Variants in ITK observed in about 807,000 individuals in gnomAD.
The protein encoded by ITK is IL2 inducible T cell kinase.
Under a neutral mutation model 87.6 loss-of-function variants are expected in ITK, and 45 were observed. That is an observed-to-expected ratio of 0.51 (90% confidence interval 0.40 to 0.66). ITK has a LOEUF of 0.66. Ranked by LOEUF, ITK falls within the 30% of genes least tolerant of loss-of-function variation. The pLI is 0.00. For synonymous variants in ITK, 303 were observed against 273.6 expected, an observed-to-expected ratio of 1.11 and a Z score of -1.06; for missense variants, 605 against 766.3, an observed-to-expected ratio of 0.79 and a Z score of 2.48.
At chr5:157,206,218 G>C (rs1754077518) in intron 1 of ITK, among the ~76,000 whole-genome samples, 1 of 152,098 alleles carries the variant, frequency 6.6e-6, no homozygotes, top group African/African-American at 2.4e-5. Context: ...GCCTCCCAAA[G>C]TGCTAGGATT....
rs1036346761 is a variant in ITK at position 157,255,084 on chromosome 5, T to C, written c.*2406T>C. On this transcript the variant is annotated 3_prime_UTR_variant, in exon 17 of 17. Coordinates refer to ENST00000422843, the MANE Select transcript of ITK (RefSeq NM_005546.4). Reference sequence around the variant, plus strand: ...GTACAGTCACTGCTAGTGTTCAAAATAAAAATGTTACAAATACCTGTTATC... The same window carrying C: ...GTACAGTCACTGCTAGTGTTCAAAACAAAAATGTTACAAATACCTGTTATC... 5.1e-6 allele frequency: 1 copy of C among 195,166 alleles called. No homozygotes were observed. The highest frequency in any genetic ancestry group is 1.1e-5 in the Non-Finnish European group (1 of 93,796). 12.1% of individuals were successfully genotyped at this position (195,166 alleles called of 1,614,324 possible).
intron 16 of ITK, among the ~76,000 whole-genome samples, chr5:157,250,091 G>T (rs1755111539): frequency 1.3e-5 from 2 of 152,120 alleles, no homozygotes; most frequent in South Asian, 4.1e-4. Flanking sequence ...AAAGTTCATA[G>T]TTTACATTAA....
chr5:157,202,053 G>GC (rs1199036904), intron 1 of ITK, among the ~76,000 whole-genome samples: 1 of 151,912 alleles, frequency 6.6e-6, no homozygotes, highest in Non-Finnish European at 1.5e-5. Flanking sequence ...TCACTTTTTA[G>GC]CCCCCACTTA....
intron 1 of ITK, among the ~76,000 whole-genome samples, chr5:157,181,367 G>C (rs1480753390): frequency 6.6e-6 from 1 of 152,084 alleles, no homozygotes; most frequent in East Asian, 1.9e-4. Context: ...CCCCCTGCAA[G>C]GTTATGTTTG....
intron 2 of ITK, 72 bp downstream of exon 2, chr5:157,209,065 G>A: frequency 9.6e-7 from 1 of 1,038,698 alleles, no homozygotes; most frequent in South Asian, 1.3e-5. Context: ...GCCGGGTGCA[G>A]TGGTTCAAGC....
intron 8 of ITK, 95 bp from the exon 9 acceptor site, chr5:157,238,014 A>C: frequency 6.9e-6 from 6 of 871,748 alleles, no homozygotes; most frequent in Non-Finnish European, 3.9e-6. Context: ...GTGGGCCTAC[A>C]GTATTTCCTC....
Position 157,217,924 on chromosome 5 carries a change from G to C in ITK, c.495+17G>C, listed in dbSNP as rs747401591. On this transcript the variant is annotated intron_variant, in intron 5 of 16. Coordinates refer to ENST00000422843, the MANE Select transcript of ITK (RefSeq NM_005546.4). ...GACAACAGGGTGAGTGAGAGCGCTA[G>C]CTCCGGGTGCAGGTGGGCCCACAGG... 12 of 1,612,072 alleles carry C rather than the reference G, an allele frequency of 7.4e-6. No individual in the cohort carries two copies. The East Asian group carries it at 2.5e-4, about 33-fold the overall frequency.
chr5:157,192,291 G>A (rs1259674823), intron 1 of ITK, among the ~76,000 whole-genome samples: 1 of 152,196 alleles, frequency 6.6e-6, no homozygotes, highest in African/African-American at 2.4e-5. Context: ...TCACAGAGTA[G>A]GGGTGGTCTG....
intron 1 of ITK, among the ~76,000 whole-genome samples, chr5:157,189,760 A>G (rs1321052015): frequency 6.6e-6 from 1 of 152,264 alleles, no homozygotes; most frequent in African/African-American, 2.4e-5. Flanking sequence ...TGTAAATATC[A>G]AACGTGGAAA....
chr5:157,232,315 A>T (rs373715600), intron 7 of ITK, 25 bp from the exon 8 acceptor site: 58 of 1,535,736 alleles, frequency 3.8e-5, no homozygotes, highest in Non-Finnish European at 5.0e-5. Flanking sequence ...TATGTCATTG[A>T]CATATGACTT....
chr5:157,252,572 C>T, intron 16 of ITK, 35 bp from the exon 17 acceptor site: 1 of 1,538,902 alleles, frequency 6.5e-7, no homozygotes, highest in East Asian at 2.2e-5. Context: ...CGCATAAGTA[C>T]AAGGAACTTA....
chr5:157,191,678 C>A (rs2113739997), intron 1 of ITK, among the ~76,000 whole-genome samples: 1 of 152,228 alleles, frequency 6.6e-6, no homozygotes, highest in East Asian at 1.9e-4. Flanking sequence ...CCAAAGTAAT[C>A]ATTTTTCATA....
chr5:157,214,198 G>A lies in ITK; in HGVS notation c.333G>A (p.Arg111=). ...GGTGCCAACCTGTTTCAGAAACGAGGAATAATAACAGTTTGGTGCCTAAAT... is the reference window on the plus strand; with the variant it reads ...GGTGCCAACCTGTTTCAGAAACGAGAAATAATAACAGTTTGGTGCCTAAAT... ...RWVLALKEET[R]NNNSLVPKYH... The change falls in exon 4 of 17, where the codon AGG becomes AGA. Residue 111 remains arginine, a synonymous_variant. Coordinates refer to ENST00000422843, the MANE Select transcript of ITK (RefSeq NM_005546.4). 2 of 1,612,288 alleles carry A rather than the reference G, an allele frequency of 1.2e-6. No homozygotes were observed. Among genetic ancestry groups the A allele is most frequent in the Non-Finnish European group, 1.7e-6 (2 of 1,178,356 alleles).
At chr5:157,248,448 G>A (rs907144361) in intron 15 of ITK, among the ~76,000 whole-genome samples, 3 of 151,922 alleles carry the variant, frequency 2.0e-5, no homozygotes, top group African/African-American at 7.3e-5. Flanking sequence ...TCATTTTCAT[G>A]TGCCATACTT....
intron 1 of ITK, among the ~76,000 whole-genome samples, chr5:157,198,118 C>T (rs1340915011): frequency 7.1e-6 from 1 of 140,778 alleles, no homozygotes; most frequent in East Asian, 2.1e-4. Context: ...GACTCTATCT[C>T]TTAAGAAAAA....
In ITK at chr5:157,244,482, T is replaced by C. The variant is rs199736568; in HGVS notation, c.1449+4T>C. The C allele has an allele frequency of 5.7e-6, 9 of 1,570,154 alleles. No individual in the cohort carries two copies. The South Asian group carries it at 7.8e-5, about 14-fold the overall frequency. ...ATGTGTCATCCACAGAGACTTGGTA[T>C]GAGCATGCAGGGTGAACACCCACAG... On this transcript the variant is annotated splice_donor_region_variant and intron_variant, in intron 13 of 16. Coordinates refer to ENST00000422843, the MANE Select transcript of ITK (RefSeq NM_005546.4).
chr5:157,214,261 C>T lies in ITK; in HGVS notation c.396C>T (p.Cys132=), dbSNP rs1459993484. The part of the protein sequence containing the change: ...PNFWMDGKWR[C]CSQLEKLATG... ...TCTGGATGGATGGGAAGTGGAGGTGCTGTTCTCAGCTGGAGAAGCTTGCAA... is the reference window on the plus strand; with the variant it reads ...TCTGGATGGATGGGAAGTGGAGGTGTTGTTCTCAGCTGGAGAAGCTTGCAA... Residue 132 remains cysteine (C), a synonymous_variant, in exon 4 of 17, where the codon TGC becomes TGT. Coordinates refer to ENST00000422843, the MANE Select transcript of ITK (RefSeq NM_005546.4). 1.9e-6 allele frequency: 3 copies of T among 1,609,904 alleles called. No homozygotes were observed. The highest frequency in any genetic ancestry group is 2.6e-6 in the Non-Finnish European group (3 of 1,176,174).
Position 157,191,613 on chromosome 5 carries a change from C to G in ITK, c.138+10498C>G, listed in dbSNP as rs184923943. On this transcript the variant is annotated intron_variant, in intron 1 of 16. Transcript: ENST00000422843. ...TCATAATGCATGACAATTTTATATTCTACTTTTCTATCTATTCTTTCATAT... is the reference window on the plus strand; with the variant it reads ...TCATAATGCATGACAATTTTATATTGTACTTTTCTATCTATTCTTTCATAT... Among the ~76,000 whole-genome samples the G allele has an allele frequency of 2.6e-5, 4 of 152,274 alleles. No individual in the cohort carries two copies. In the East Asian group the frequency reaches 7.7e-4, roughly 29 times the overall value.
Position 157,255,100 on chromosome 5 carries a change from A to G in ITK, c.*2422A>G, listed in dbSNP as rs141346389. On this transcript the variant is annotated 3_prime_UTR_variant, in exon 17 of 17. Coordinates refer to ENST00000422843, the MANE Select transcript of ITK (RefSeq NM_005546.4). ...TGTTCAAAATAAAAATGTTACAAAT[A>G]CCTGTTATCCTTTGTAGAGCACACA... 1,111 of 192,568 alleles carry G rather than the reference A, an allele frequency of 5.8e-3. 8 individuals are homozygous for G. The highest frequency in any genetic ancestry group is 0.016 in the Middle Eastern group (9 of 552). The allele number at this position is 192,568 out of a possible 1,614,324, so 11.9% of individuals were successfully genotyped here.
Sources: allele counts gnomAD v4.1 joint callset (sites outside exome capture counted in the v4.1 genomes callset), GRCh38; gene constraint gnomAD v4.1.1; transcripts MANE v1.5; gene names NCBI Gene and HGNC (gene_info 2026-07-23, HGNC 2026-07-21).